The following CTC1 variants were observed in gnomAD, a reference collection of about 807,000 sequenced individuals.
CTC1 encodes the protein CST telomere replication complex component 1.
In CTC1, 91 loss-of-function variants were observed where a neutral mutation model predicts 136.3. The ratio of observed to expected loss-of-function variants is 0.67; its 90% CI spans 0.56 to 0.79. CTC1 has a LOEUF of 0.79. CTC1 is among the 30% of genes least tolerant of loss of function. The probability of loss-of-function intolerance (pLI) is 0.00; values close to 1 mark genes in which losing one functional copy is unlikely to be tolerated. For missense variants in CTC1, 1,432 were observed against 1,498.1 expected, an observed-to-expected ratio of 0.96 and a Z score of 0.73; for synonymous variants, 606 against 613.8, an observed-to-expected ratio of 0.99 and a Z score of 0.19.
chr17:8,231,448 C>G lies in CTC1; in HGVS notation c.2497G>C (p.Asp833His), dbSNP rs754510180. 6.4e-5 allele frequency: 103 copies of G among 1,610,084 alleles called. No individual in the cohort carries two copies. The highest frequency in any genetic ancestry group is 8.4e-5 in the Non-Finnish European group (99 of 1,178,154). The stretch of plus-strand genomic sequence containing the variant: ...CGCCGAGATATGCAGGATGAACCAT[C>G]CTTTTCAAACAACATTGGTGTCTGC... Reference protein sequence around the residue: ...GPATPMLFEKDGSSCISRRPL... With the variant: ...GPATPMLFEKHGSSCISRRPL... The change falls in exon 15 of 23, where the codon GAT (aspartate) becomes CAT (histidine). Residue 833 changes from aspartate to histidine, a missense_variant. Physicochemically the swap from Asp to His is moderately conservative, Grantham distance 81. Coordinates refer to ENST00000651323, the MANE Select transcript of CTC1 (RefSeq NM_025099.6).
intron 5 of CTC1, 104 bp downstream of exon 5, chr17:8,237,271 G>T: frequency 7.6e-7 from 1 of 1,321,784 alleles, no homozygotes; most frequent in South Asian, 1.2e-5. Context: ...GCTCTCCCCA[G>T]CTGTCCTCCT....
In CTC1 at chr17:8,229,881, G is replaced by C; in HGVS notation, c.3011+10C>G. On this transcript the variant is annotated intron_variant, in intron 18 of 22. Coordinates refer to ENST00000651323, the MANE Select transcript of CTC1 (RefSeq NM_025099.6). ...CCAGGAAGTTTAGGGGTTGGGGTCT[G>C]GGCACTGACCTGATGGTGGTCTCAG... is the stretch of plus-strand genomic sequence containing the variant. 6.2e-7 allele frequency: 1 copy of C among 1,612,532 alleles called. No homozygotes were observed. The highest frequency in any genetic ancestry group is 8.5e-7 in the Non-Finnish European group (1 of 1,178,564).
At chr17:8,244,540 T>G (rs948593699) in intron 1 of CTC1, among the ~76,000 whole-genome samples, 1 of 152,188 alleles carries the variant, frequency 6.6e-6, no homozygotes, top group East Asian at 1.9e-4. Flanking sequence ...TTTTTTTTTT[T>G]TTGGAGACGG....
intron 15 of CTC1, 96 bp downstream of exon 15, chr17:8,231,180 C>T (rs1426596295): frequency 2.1e-6 from 2 of 970,642 alleles, no homozygotes; most frequent in Non-Finnish European, 3.0e-6. Context: ...AAAAGAAATA[C>T]CTCCTGCAGC....
chr17:8,243,847 G>T (rs1243496879), intron 1 of CTC1, among the ~76,000 whole-genome samples: 1 of 152,196 alleles, frequency 6.6e-6, no homozygotes, highest in African/African-American at 2.4e-5. Context: ...CAAAGAGGGT[G>T]GATTGCTTGA....
intron 17 of CTC1, 124 bp downstream of exon 17, chr17:8,230,170 C>A: frequency 9.1e-7 from 1 of 1,093,668 alleles, no homozygotes; most frequent in Non-Finnish European, 1.3e-6. Context: ...GCACAAATGG[C>A]AGACTGATAT....
intron 10 of CTC1, among the ~76,000 whole-genome samples, chr17:8,233,651 C>A (rs1014815305): frequency 4.6e-5 from 7 of 152,196 alleles, no homozygotes; most frequent in African/African-American, 1.4e-4. Context: ...TGCCTACAGT[C>A]CCAGCTACTC....
chr17:8,235,251 C>T lies in CTC1; in HGVS notation c.1241G>A (p.Gly414Glu), dbSNP rs62624978. The change falls in exon 8 of 23, where the codon GGG becomes GAG. Residue 414 changes from glycine to glutamate, a missense_variant. By Grantham distance (98) the Gly-to-Glu change is moderately conservative. Coordinates refer to ENST00000651323, the MANE Select transcript of CTC1 (RefSeq NM_025099.6). Reference sequence around the variant, plus strand: ...GGCGAGCACTGGCCTTCTTGTCCCCCCTCCCACTGACTGGAGCAGGTGAAC... The same window carrying T: ...GGCGAGCACTGGCCTTCTTGTCCCCTCTCCCACTGACTGGAGCAGGTGAAC... ...QDVHLLQSVG[G>E]GTRRPVLAPC... 34 of 1,613,924 alleles carry T rather than the reference C, an allele frequency of 2.1e-5. No homozygotes were observed. Among genetic ancestry groups the T allele is most frequent in the Admixed American group, 8.3e-5 (5 of 60,004 alleles).
At position 8,230,142 on chromosome 17, in the gene CTC1, C is replaced by G. The variant is rs992811506; in HGVS notation, c.2933+152G>C. The G allele has an allele frequency of 8.3e-6, 8 of 969,596 alleles. No individual in the cohort carries two copies. In the East Asian group the frequency reaches 1.0e-4, roughly 13 times the overall value. The allele number at this position is 969,596 out of a possible 1,614,324, so 60.1% of individuals were successfully genotyped here. A position where few individuals can be genotyped will look rare whatever the true frequency, so the allele number is the denominator to read the frequency against. On this transcript the variant is annotated intron_variant, in intron 17 of 22. Coordinates refer to ENST00000651323, the MANE Select transcript of CTC1 (RefSeq NM_025099.6). ...GGAGGAGGACCAGCCTGCAACACCT[C>G]GTGAGGGTACTGGCTGGGCACAAAT...
At chr17:8,232,878 ATCT>A (rs751364712) in intron 11 of CTC1, 25 bp downstream of exon 11, 2 of 1,612,036 alleles carry the variant, frequency 1.2e-6, no homozygotes, top group Admixed American at 3.3e-5. Flanking sequence ...TCCCACTACC[ATCT>A]TCTTTCCACA....
rs1390420034 is a variant in CTC1, at chr17:8,228,586, G to A, written c.3431C>T (p.Thr1144Ile). The change falls in exon 22 of 23, where the codon ACA becomes ATA. Residue 1144 changes from threonine to isoleucine, a missense_variant. By Grantham distance (89) the Thr-to-Ile change is moderately conservative. Coordinates refer to ENST00000651323, the MANE Select transcript of CTC1 (RefSeq NM_025099.6). The part of the protein sequence containing the change: ...VDEPMTMFLW[T>I]LCTSPSVLRP... ...GAGGACAGAGGGGCTAGTACAAAGT[G>A]TCCAGAGGAACATGGTCATGGGCTC... is the stretch of plus-strand genomic sequence containing the variant. 1.2e-6 allele frequency: 2 copies of A among 1,614,156 alleles called. No homozygotes were observed. The highest frequency in any genetic ancestry group is 1.7e-5 in the Admixed American group (1 of 60,020).
In CTC1 at chr17:8,232,360, C is replaced by A; in HGVS notation, c.2060+1G>T. On this transcript the variant is annotated splice_donor_variant, in intron 12 of 22. Transcript: ENST00000651323. LOFTEE classifies it high-confidence loss of function. ...GACAACCATGACCCCAAGGAGCCAACCTGGCCTGCTGCTTCTGGATGAAGC... is the reference window on the plus strand; with the variant it reads ...GACAACCATGACCCCAAGGAGCCAAACTGGCCTGCTGCTTCTGGATGAAGC... 1.9e-6 allele frequency: 3 copies of A among 1,613,604 alleles called. No individual in the cohort carries two copies. Among genetic ancestry groups the A allele is most frequent in the Non-Finnish European group, 2.5e-6 (3 of 1,179,658 alleles).
chr17:8,247,850 G>C, intron 1 of CTC1, 154 bp downstream of exon 1: 2 of 700,460 alleles, frequency 2.9e-6, no homozygotes, highest in Non-Finnish European at 5.0e-6. Flanking sequence ...CGCAGAACCA[G>C]TAAGAGGTAG....
intron 1 of CTC1, among the ~76,000 whole-genome samples, chr17:8,243,628 T>C (rs1430718072): frequency 6.6e-6 from 1 of 152,208 alleles, no homozygotes; most frequent in Admixed American, 6.5e-5. Context: ...AGCCATACCG[T>C]AGACAGCTGG....
In CTC1 at chr17:8,230,673, C is replaced by T. The variant is rs1473320282; in HGVS notation, c.2670-22G>A. On this transcript the variant is annotated intron_variant, in intron 15 of 22. Transcript: ENST00000651323. ...GAAACTGGAAGGTCAGGGAAATACACTGAGAATGGAGGCACAAGAAAGCAC... is the reference window on the plus strand; with the variant it reads ...GAAACTGGAAGGTCAGGGAAATACATTGAGAATGGAGGCACAAGAAAGCAC... 3 of 1,601,980 alleles carry T rather than the reference C, an allele frequency of 1.9e-6. No homozygotes were observed. In the South Asian group the frequency reaches 3.3e-5, roughly 18 times the overall value.
chr17:8,229,989 G>A, intron 17 of CTC1, 21 bp from the exon 18 acceptor site: 5 of 1,611,912 alleles, frequency 3.1e-6, no homozygotes, highest in Non-Finnish European at 4.2e-6. Flanking sequence ...AAGAGGAATA[G>A]TGAGTGACCA....
At chr17:8,237,080 G>A (rs1029980197) in intron 5 of CTC1, among the ~76,000 whole-genome samples, 1 of 150,418 alleles carries the variant, frequency 6.6e-6, no homozygotes, top group African/African-American at 2.5e-5. Flanking sequence ...TGTCTCAATG[G>A]TGTTAAGATG....
rs1194621752 is a variant in CTC1, at chr17:8,230,358, G to A, written c.2869C>T (p.Pro957Ser). 6.2e-6 allele frequency: 10 copies of A among 1,614,044 alleles called. No individual in the cohort carries two copies. The African/African-American group carries it at 1.3e-4, about 22-fold the overall frequency. The change falls in exon 17 of 23, where the codon CCC becomes TCC. Residue 957 changes from proline to serine, a missense_variant. Physicochemically the swap from Pro to Ser is moderately conservative, Grantham distance 74 (BLOSUM62 -1). Coordinates refer to ENST00000651323, the MANE Select transcript of CTC1 (RefSeq NM_025099.6). ...DVYIEDPHLP[P>S]SLGLLPGARV... ...GCTCCTGGAAGTAGTCCTAGTGAGG[G>A]AGGCAAGTGTGGGTCTTCTATATAT...
chr17:8,231,591 A>C, intron 14 of CTC1, 122 bp from the exon 15 acceptor site: 2 of 1,227,448 alleles, frequency 1.6e-6, no homozygotes, highest in African/African-American at 3.0e-5. Flanking sequence ...GTCAACACAC[A>C]CAGGCTTTCT....
Sources: allele counts gnomAD v4.1 joint callset (sites outside exome capture counted in the v4.1 genomes callset), GRCh38; gene constraint gnomAD v4.1.1; transcripts MANE v1.5; gene names NCBI Gene and HGNC (gene_info 2026-07-23, HGNC 2026-07-21).